NWD2: variants seen among roughly 807,000 people sequenced by gnomAD.
NWD2 encodes the protein NACHT and WD repeat domain-containing protein 2.
NWD2 carries 37 observed loss-of-function variants against 132.7 expected under a neutral mutation model. The ratio of observed to expected loss-of-function variants is 0.28; its 90% CI spans 0.21 to 0.37. NWD2 has a LOEUF of 0.37. Among genes scored for constraint, NWD2 ranks in the 10% least tolerant of loss-of-function variants. The probability of loss-of-function intolerance (pLI) is 1.00; values close to 1 mark genes in which losing one functional copy is unlikely to be tolerated. For synonymous variants in NWD2, 705 were observed against 803.0 expected (o/e 0.88, Z 2.06); for missense variants, 1,592 against 2,122.4 (o/e 0.75, Z 4.91).
Position 37,446,907 on chromosome 4 carries a change from T to G in NWD2, c.4919T>G (p.Ile1640Arg). 6.8e-7 allele frequency: 1 copy of G among 1,480,828 alleles called. No individual in the cohort carries two copies. The highest frequency in any genetic ancestry group is 9.0e-7 in the Non-Finnish European group (1 of 1,107,756). 91.7% of individuals were successfully genotyped at this position (1,480,828 alleles called of 1,614,324 possible). Residue 1640 changes from isoleucine (I) to arginine (R), a missense_variant, in exon 7 of 7, where the codon ATA becomes AGA. Physicochemically the swap from Ile to Arg is moderately conservative, Grantham distance 97. Coordinates refer to ENST00000309447, the MANE Select transcript of NWD2 (RefSeq NM_001144990.2). The surrounding 1 kb of genome is among the most constrained non-coding windows in gnomAD (Gnocchi z 6.7). ...NIIVGFDDGS[I>R]GIYTVVDRVD... ...ATTGTGGGCTTTGATGATGGGAGTA[T>G]AGGGATCTACACGGTAGTAGACCGT...
At chr4:37,339,275 C>T (rs986910421) in intron 2 of NWD2, among the ~76,000 whole-genome samples, 6 of 152,188 alleles carry the variant, frequency 3.9e-5, no homozygotes, top group African/African-American at 1.4e-4. Context: ...TCATGACTGA[C>T]TTTCATTGCT....
At chr4:37,275,506 G>A (rs1717990213) in intron 1 of NWD2, among the ~76,000 whole-genome samples, 1 of 152,106 alleles carries the variant, frequency 6.6e-6, no homozygotes, top group Non-Finnish European at 1.5e-5. Context: ...ACTGCCCAAG[G>A]TAATTTATAG....
Position 37,400,462 on chromosome 4 carries a change from A to G in NWD2, c.358-30110A>G, listed in dbSNP as rs115460802. Among the ~76,000 whole-genome samples, 909 of 152,310 alleles carry G rather than the reference A, an allele frequency of 6.0e-3. 8 individuals carry two copies. The highest frequency in any genetic ancestry group is 0.021 in the African/African-American group (862 of 41,568). ...ATTTCCTCCCTTGAGTGACACAGAG[A>G]GTTCCCTCTCATCATCAATTCACTT... On this transcript the variant is annotated intron_variant, in intron 3 of 6. Coordinates refer to ENST00000309447, the MANE Select transcript of NWD2 (RefSeq NM_001144990.2).
At chr4:37,390,374 A>G (rs1298411441) in intron 3 of NWD2, among the ~76,000 whole-genome samples, 2 of 151,746 alleles carry the variant, frequency 1.3e-5, no homozygotes, top group African/African-American at 4.8e-5. Context: ...GAAATATTAA[A>G]CTATATTCAC....
At chr4:37,310,135 G>T (rs1718801359) in intron 1 of NWD2, among the ~76,000 whole-genome samples, 1 of 152,130 alleles carries the variant, frequency 6.6e-6, no homozygotes, top group Admixed American at 6.5e-5. Context: ...ACCCACAAAT[G>T]ACAAAATGAT....
At chr4:37,324,993 G>A (rs899368497) in intron 1 of NWD2, among the ~76,000 whole-genome samples, 5 of 152,220 alleles carry the variant, frequency 3.3e-5, no homozygotes, top group Admixed American at 1.3e-4. Flanking sequence ...GGTACTTTTA[G>A]CAAATGGTAC....
Position 37,434,877 on chromosome 4 carries a change from G to A in NWD2, c.706+857G>A, listed in dbSNP as rs548317158. On this transcript the variant is annotated intron_variant, in intron 5 of 6. Coordinates refer to ENST00000309447, the MANE Select transcript of NWD2 (RefSeq NM_001144990.2). Reference sequence around the variant, plus strand: ...AGGAAGCTTGTGTTTTATTCTGGGCGAGATGGGAAGCCATCAGAGGGTGTG... The same window carrying A: ...AGGAAGCTTGTGTTTTATTCTGGGCAAGATGGGAAGCCATCAGAGGGTGTG... Among the ~76,000 whole-genome samples the A allele has an allele frequency of 1.6e-4, 25 of 151,720 alleles. No individual in the cohort carries two copies. In the South Asian group the frequency reaches 4.8e-3, roughly 29 times the overall value.
In NWD2 at chr4:37,245,111, A is replaced by T. The variant is rs1560375520; in HGVS notation, c.44A>T (p.Asp15Val). 1 of 1,546,746 alleles carries T rather than the reference A, an allele frequency of 6.5e-7. No homozygotes were observed. The highest frequency in any genetic ancestry group is 8.7e-7 in the Non-Finnish European group (1 of 1,146,384). ...GAGTKLPCPR[D>V]SALRRAAFSG... ...GGCACCAAGCTGCCCTGTCCCCGAG[A>T]CTCTGCGCTCCGGCGGGCGGCTTTC... is the stretch of plus-strand genomic sequence containing the variant. The change falls in exon 1 of 7, where the codon GAC (aspartate) becomes GTC (valine). Residue 15 changes from aspartate (D) to valine (V), a missense_variant. Physicochemically the swap from Asp to Val is radical, Grantham distance 152. This residue lies in a region of NWD2 where 88 missense variants were observed against 92.8 expected (regional missense o/e 0.95). Transcript: ENST00000309447.
chr4:37,342,451 C>T (rs546718923), intron 2 of NWD2, among the ~76,000 whole-genome samples: 1 of 152,284 alleles, frequency 6.6e-6, no homozygotes, highest in South Asian at 2.1e-4. Context: ...CTCAGGTATT[C>T]CTTTATAGCA....
chr4:37,293,596 C>G lies in NWD2; in HGVS notation c.152-32340C>G, dbSNP rs116423328. On this transcript the variant is annotated intron_variant, in intron 1 of 6. Transcript: ENST00000309447. ...CAAAATAGTTTAATTAACTTTTTCC[C>G]TAGCCACATACAGTATATTAATTTT... Among the ~76,000 whole-genome samples, 506 of 152,274 alleles carry G rather than the reference C, an allele frequency of 3.3e-3. 4 individuals are homozygous for G. The highest frequency in any genetic ancestry group is 0.011 in the African/African-American group (467 of 41,550).
At position 37,364,374 on chromosome 4, in the gene NWD2, G is replaced by A. The variant is rs138146930; in HGVS notation, c.357+7892G>A. The stretch of plus-strand genomic sequence containing the variant: ...CTAGAAGAGCCAAGCCTGATACCAC[G>A]CATGCGATGAGAGGAGCACCATTAC... On this transcript the variant is annotated intron_variant, in intron 3 of 6. Transcript: ENST00000309447. Among the ~76,000 whole-genome samples, 299 of 152,168 alleles carry A rather than the reference G, an allele frequency of 2.0e-3. 2 individuals carry two copies. Among genetic ancestry groups the A allele is most frequent in the African/African-American group, 6.8e-3 (282 of 41,516 alleles).
chr4:37,407,742 A>G (rs1721074336), intron 3 of NWD2, among the ~76,000 whole-genome samples: 1 of 152,232 alleles, frequency 6.6e-6, no homozygotes. Context: ...TTGATAGGGC[A>G]ACATGGTGGA....
chr4:37,325,777 G>A (rs1719161434), intron 1 of NWD2, among the ~76,000 whole-genome samples, 159 bp from the exon 2 acceptor site: 1 of 151,944 alleles, frequency 6.6e-6, no homozygotes, highest in Admixed American at 6.6e-5. Flanking sequence ...GGAATTAGGG[G>A]GCAGGTCTAC....
intron 3 of NWD2, among the ~76,000 whole-genome samples, chr4:37,365,521 A>G (rs1720084011): frequency 6.6e-6 from 1 of 152,202 alleles, no homozygotes; most frequent in South Asian, 2.1e-4. Flanking sequence ...TTTTCCAGGT[A>G]TTTTGCTCAT....
rs150698740 is a variant in NWD2 at position 37,344,822 on chromosome 4, A to G, written c.241-11544A>G. Among the ~76,000 whole-genome samples the G allele has an allele frequency of 6.1e-3, 933 of 152,308 alleles. 5 individuals are homozygous for G. Among genetic ancestry groups the G allele is most frequent in the Non-Finnish European group, 0.01 (694 of 68,012 alleles). On this transcript the variant is annotated intron_variant, in intron 2 of 6. Transcript: ENST00000309447. Reference sequence around the variant, plus strand: ...GGAAAATCAATTTTAGAACATTTTCATAACTCCAAGAAGAAACCCTGTGCC... The same window carrying G: ...GGAAAATCAATTTTAGAACATTTTCGTAACTCCAAGAAGAAACCCTGTGCC...
chr4:37,423,661 G>A (rs1711895306), intron 3 of NWD2, among the ~76,000 whole-genome samples: 1 of 152,148 alleles, frequency 6.6e-6, no homozygotes, highest in Admixed American at 6.5e-5. Flanking sequence ...TACCCAGTTG[G>A]GAAGGGCCAT....
At chr4:37,308,755 C>T (rs767120289) in intron 1 of NWD2, among the ~76,000 whole-genome samples, 61 of 151,740 alleles carry the variant, frequency 4.0e-4, no homozygotes, top group Non-Finnish European at 7.8e-4. Context: ...GTTGAGGGTA[C>T]AGGCACTCAG....
chr4:37,309,285 G>A (rs1358578388), intron 1 of NWD2, among the ~76,000 whole-genome samples: 8 of 152,174 alleles, frequency 5.3e-5, no homozygotes, highest in Non-Finnish European at 1.2e-4. Flanking sequence ...CTGGTCATTA[G>A]GCCGTCAGCT....
rs150233265 is a variant in NWD2 at position 37,401,751 on chromosome 4, C to A, written c.358-28821C>A. ...TTCTAGAACAAGTATCTTCTGCACA[C>A]CTTTCTGGTTCTTTGAACATCCATG... is the stretch of plus-strand genomic sequence containing the variant. On this transcript the variant is annotated intron_variant, in intron 3 of 6. Coordinates refer to ENST00000309447, the MANE Select transcript of NWD2 (RefSeq NM_001144990.2). 7.1e-4 allele frequency among the ~76,000 whole-genome samples: 108 copies of A among 152,322 alleles called. 3 individuals are homozygous for A. In the East Asian group the frequency reaches 0.017, roughly 24 times the overall value.
Sources: gnomAD v4.1 joint callset for allele counts (sites outside exome capture counted in the v4.1 genomes callset) on GRCh38, gnomAD v4.1.1 for gene constraint, gnomAD v4.1.1 regional missense constraint, Gnocchi (gnomAD v3.1) non-coding constraint, MANE v1.5 for transcripts, NCBI Gene and HGNC (gene_info 2026-07-23, HGNC 2026-07-21) for gene names.